MEIOB: variants seen among roughly 807,000 people sequenced by gnomAD.
The protein encoded by MEIOB is meiosis-specific with OB domain-containing protein.
In MEIOB, 50 loss-of-function variants were observed where a neutral mutation model predicts 53.1. That is an observed-to-expected ratio of 0.94 (90% CI 0.75 to 1.19). MEIOB has a LOEUF of 1.19. Among genes scored for constraint, MEIOB ranks in the 50% most tolerant of loss-of-function variants. The pLI is 0.00. For synonymous variants in MEIOB, 192 were observed against 182.5 expected (o/e 1.05, Z -0.42); for missense variants, 551 against 550.8 (o/e 1.00, Z 0.00).
chr16:1,855,309 G>A (rs1899272556), intron 6 of MEIOB, among the ~76,000 whole-genome samples: 1 of 152,132 alleles, frequency 6.6e-6, no homozygotes, highest in Non-Finnish European at 1.5e-5. Flanking sequence ...GTACACGCCT[G>A]TAGTCCTGGC....
At position 1,862,090 on chromosome 16, in the gene MEIOB, T is replaced by C; in HGVS notation, c.154A>G (p.Ser52Gly). Residue 52 changes from serine to glycine, a missense_variant, in exon 4 of 14, where the codon AGC becomes GGC. By Grantham distance (56) the Ser-to-Gly change is moderately conservative. Coordinates refer to ENST00000325962, the MANE Select transcript of MEIOB (RefSeq NM_001163560.3). ...KNIGSERYTF[S>G]FTIRDSPAHF... The stretch of plus-strand genomic sequence containing the variant: ...GCTGGTGAATCCCGAATGGTGAAGC[T>C]GAAAGTGTACCTTTCTGATCCAATA... The C allele has an allele frequency of 6.4e-7, 1 of 1,551,376 alleles. No homozygotes were observed. The highest frequency in any genetic ancestry group is 8.7e-7 in the Non-Finnish European group (1 of 1,146,720).
chr16:1,836,672 G>C (rs9652778), intron 13 of MEIOB, among the ~76,000 whole-genome samples: 27,369 of 151,638 alleles, frequency 0.18, 2,934 homozygotes, highest in South Asian at 0.27. Flanking sequence ...TGGAAAATGG[G>C]AAAACCTGCT....
intron 6 of MEIOB, 62 bp downstream of exon 6, chr16:1,857,673 A>C: frequency 7.5e-7 from 1 of 1,326,526 alleles, no homozygotes; most frequent in Non-Finnish European, 1.0e-6. Flanking sequence ...TCCCAAACAC[A>C]GATCAAGTGA....
chr16:1,854,133 T>G lies in MEIOB; in HGVS notation c.596A>C (p.Tyr199Ser). 6.4e-7 allele frequency: 1 copy of G among 1,550,962 alleles called. No individual in the cohort carries two copies. Among genetic ancestry groups the G allele is most frequent in the Non-Finnish European group, 8.7e-7 (1 of 1,146,486 alleles). ...RKGQRCEVRL[Y>S]DETESSFAMT... ...CGCAAAAGACGACTCTGTTTCATCA[T>G]AGAGTCTAACTTCACACCTCTGGCC... The change falls in exon 7 of 14, where the codon TAT (tyrosine) becomes TCT (serine). Residue 199 changes from tyrosine (Y) to serine (S), a missense_variant. Tyr to Ser is a moderately radical substitution (Grantham distance 144, BLOSUM62 -2). Transcript: ENST00000325962.
chr16:1,841,798 T>C, intron 11 of MEIOB, 22 bp downstream of exon 11: 1 of 1,475,018 alleles, frequency 6.8e-7, no homozygotes. Flanking sequence ...ATGAATTTGC[T>C]AAAAGTGACA....
At chr16:1,862,643 G>A (rs893469681) in intron 3 of MEIOB, among the ~76,000 whole-genome samples, 4 of 151,982 alleles carry the variant, frequency 2.6e-5, no homozygotes, top group Non-Finnish European at 2.9e-5. Context: ...AAAATAGGCC[G>A]GGCGCAATGG....
chr16:1,842,484 A>G (rs2142080400), intron 10 of MEIOB, among the ~76,000 whole-genome samples: 2 of 150,020 alleles, frequency 1.3e-5, no homozygotes, highest in Admixed American at 1.3e-4. Flanking sequence ...TTAGCCAGGC[A>G]TGGTGGTGCA....
At chr16:1,859,830 C>T (rs762442746) in intron 5 of MEIOB, among the ~76,000 whole-genome samples, 9 of 152,122 alleles carry the variant, frequency 5.9e-5, no homozygotes, top group Non-Finnish European at 1.0e-4. Flanking sequence ...GATGCCCCGC[C>T]CCATCCTGCG....
Position 1,865,481 on chromosome 16 carries a change from ACGTGTACACACATACACACAC to A in MEIOB, c.127+276_127+296del, listed in dbSNP as rs1567281929. The stretch of plus-strand genomic sequence containing the variant: ...TACTCAAATATACATATATACACAC[ACGTGTACACACATACACACAC>A]ATACACATGCACACACATACACACG... On this transcript the variant is annotated intron_variant, in intron 3 of 13. Transcript: ENST00000325962. Among the ~76,000 whole-genome samples, 3 of 5,372 alleles carry A rather than the reference ACGTGTACACACATACACACAC, an allele frequency of 5.6e-4. No homozygotes were observed. The East Asian group carries it at 0.016, about 29-fold the overall frequency. 3.5% of individuals were successfully genotyped at this position (5,372 alleles called of 152,430 possible).
At chr16:1,837,366 T>C (rs1166814104) in intron 13 of MEIOB, among the ~76,000 whole-genome samples, 2 of 152,090 alleles carry the variant, frequency 1.3e-5, no homozygotes, top group African/African-American at 4.8e-5. Flanking sequence ...CAACCTAGTC[T>C]GACCTTTTGG....
At chr16:1,870,009 C>T (rs1435957082) in intron 1 of MEIOB, among the ~76,000 whole-genome samples, 1 of 151,210 alleles carries the variant, frequency 6.6e-6, no homozygotes, top group African/African-American at 2.4e-5. Flanking sequence ...GTAGCTGGGA[C>T]TACAGGCATG....
At chr16:1,846,582 A>T (rs1417338136) in intron 9 of MEIOB, among the ~76,000 whole-genome samples, 1 of 152,230 alleles carries the variant, frequency 6.6e-6, no homozygotes, top group Non-Finnish European at 1.5e-5. Context: ...TGGATAAAGA[A>T]AATGTGGTAC....
At chr16:1,845,758 T>C (rs1899013578) in intron 9 of MEIOB, among the ~76,000 whole-genome samples, 1 of 152,072 alleles carries the variant, frequency 6.6e-6, no homozygotes, top group African/African-American at 2.4e-5. Context: ...GGCACATGAG[T>C]GTGCTCAAGG....
At chr16:1,834,969 G>A (rs1258987940) in intron 13 of MEIOB, among the ~76,000 whole-genome samples, 2 of 109,114 alleles carry the variant, frequency 1.8e-5, no homozygotes, top group Admixed American at 1.2e-4. Context: ...AATGTCTAAT[G>A]CAGGGCTGGG....
chr16:1,860,069 A>C (rs1210899938), intron 5 of MEIOB, among the ~76,000 whole-genome samples: 3 of 152,258 alleles, frequency 2.0e-5, no homozygotes, highest in Admixed American at 1.3e-4. Flanking sequence ...TAAGATGGTA[A>C]GCCTGTGAGT....
intron 9 of MEIOB, among the ~76,000 whole-genome samples, chr16:1,847,476 C>A (rs537441336): frequency 3.3e-5 from 5 of 149,986 alleles, no homozygotes; most frequent in Admixed American, 6.7e-5. Context: ...AACAAACAAA[C>A]AAAAAAAGCC....
intron 11 of MEIOB, 29 bp downstream of exon 11, chr16:1,841,791 A>G: frequency 6.9e-7 from 1 of 1,454,092 alleles, no homozygotes; most frequent in Non-Finnish European, 9.1e-7. Flanking sequence ...TACAAAAATG[A>G]ATTTGCTAAA....
chr16:1,867,782 T>G (rs910827522), intron 2 of MEIOB, among the ~76,000 whole-genome samples: 2 of 152,306 alleles, frequency 1.3e-5, no homozygotes, highest in African/African-American at 4.8e-5. Flanking sequence ...TGGTTTAATT[T>G]TACAATGCTA....
chr16:1,839,310 G>A lies in MEIOB; in HGVS notation c.1163C>T (p.Thr388Ile), dbSNP rs749802810. Residue 388 changes from threonine to isoleucine, a missense_variant, in exon 12 of 14, where the codon ACC (threonine) becomes ATC (isoleucine). Transcript: ENST00000325962. ...VLIDLTDHTG[T>I]LHSCSLTGSV... ...TCCTGTGAGACTACAGGAATGAAGG[G>A]TGCCTGTGTGATCAGTCAGATCAAT... is the stretch of plus-strand genomic sequence containing the variant. 6.2e-7 allele frequency: 1 copy of A among 1,614,180 alleles called. No homozygotes were observed. Among genetic ancestry groups the A allele is most frequent in the South Asian group, 1.1e-5 (1 of 91,076 alleles).
Sources: gnomAD v4.1 joint callset for allele counts (sites outside exome capture counted in the v4.1 genomes callset) on GRCh38, gnomAD v4.1.1 for gene constraint, MANE v1.5 for transcripts, NCBI Gene and HGNC (gene_info 2026-07-23, HGNC 2026-07-21) for gene names.